LIMD1: variants seen among roughly 807,000 people sequenced by gnomAD.
LIMD1 encodes the protein LIM domain containing 1.
Under a neutral mutation model 58.4 loss-of-function variants are expected in LIMD1, and 23 were observed. The ratio of observed to expected loss-of-function variants is 0.39; its 90% CI spans 0.28 to 0.56. The LOEUF is 0.56. LIMD1 is among the 20% of genes least tolerant of loss of function. The pLI is 0.57. For missense variants in LIMD1, 838 were observed against 855.5 expected (o/e 0.98, Z 0.25); for synonymous variants, 334 against 345.5 (o/e 0.97, Z 0.37).
intron 1 of LIMD1, among the ~76,000 whole-genome samples, chr3:45,633,990 C>T (rs1340000244): frequency 6.6e-6 from 1 of 152,144 alleles, no homozygotes; most frequent in African/African-American, 2.4e-5. Context: ...TCCTCCTGAC[C>T]AAAGGATGCC....
At chr3:45,605,259 T>G (rs1701456954) in intron 1 of LIMD1, among the ~76,000 whole-genome samples, 1 of 152,246 alleles carries the variant, frequency 6.6e-6, no homozygotes. Flanking sequence ...TTGTTGGCAG[T>G]GGCAGAGAGC....
chr3:45,667,582 A>G (rs1697536068), intron 3 of LIMD1, among the ~76,000 whole-genome samples: 1 of 150,322 alleles, frequency 6.7e-6, no homozygotes, highest in Non-Finnish European at 1.5e-5. Context: ...AGAGCACCTC[A>G]TGTCTTTCAA....
intron 4 of LIMD1, among the ~76,000 whole-genome samples, chr3:45,670,141 A>G (rs1319131728): frequency 6.6e-6 from 1 of 152,130 alleles, no homozygotes; most frequent in Non-Finnish European, 1.5e-5. Context: ...TCTCCTTCCC[A>G]GGTATCTTCT....
At chr3:45,622,012 G>A (rs565133459) in intron 1 of LIMD1, among the ~76,000 whole-genome samples, 6 of 147,670 alleles carry the variant, frequency 4.1e-5, no homozygotes, top group South Asian at 2.1e-4. Context: ...GCAGTGAGCC[G>A]AGATCACACC....
intron 2 of LIMD1, among the ~76,000 whole-genome samples, chr3:45,641,980 A>G (rs1701847544): frequency 6.6e-6 from 1 of 152,196 alleles, no homozygotes; most frequent in African/African-American, 2.4e-5. Flanking sequence ...AGGGAGGTGA[A>G]TGAGAGACAG....
chr3:45,645,210 C>T (rs1701888902), intron 2 of LIMD1, among the ~76,000 whole-genome samples: 2 of 152,084 alleles, frequency 1.3e-5, no homozygotes, highest in South Asian at 4.1e-4. Flanking sequence ...ATCAAAGGGT[C>T]TCTTGTGTCC....
chr3:45,624,483 G>A lies in LIMD1; in HGVS notation c.1409-11667G>A, dbSNP rs192680825. 3.3e-5 allele frequency among the ~76,000 whole-genome samples: 5 copies of A among 152,152 alleles called. No individual in the cohort carries two copies. In the East Asian group the frequency reaches 9.6e-4, roughly 29 times the overall value. On this transcript the variant is annotated intron_variant, in intron 1 of 7. Transcript: ENST00000273317. ...AGCACTTTGGGAGGCCGAGGTGGGC[G>A]GATCATGAGGTCAGGAGATCGAGAC...
chr3:45,622,981 T>C (rs1461272921), intron 1 of LIMD1, among the ~76,000 whole-genome samples: 1 of 152,222 alleles, frequency 6.6e-6, no homozygotes, highest in Non-Finnish European at 1.5e-5. Context: ...TAAAGGTTTT[T>C]GATGCATCAT....
chr3:45,664,745 G>A (rs1289987452), intron 2 of LIMD1, among the ~76,000 whole-genome samples: 1 of 152,202 alleles, frequency 6.6e-6, no homozygotes, highest in East Asian at 1.9e-4. Context: ...TTCGTCTGGC[G>A]GGTTTCTCTG....
In LIMD1 at chr3:45,675,065, G is replaced by T. The variant is rs368564751; in HGVS notation, c.1893+654G>T. 3.3e-5 allele frequency among the ~76,000 whole-genome samples: 5 copies of T among 152,202 alleles called. No individual in the cohort carries two copies. The East Asian group carries it at 7.7e-4, about 23-fold the overall frequency. On this transcript the variant is annotated intron_variant, in intron 7 of 7. Coordinates refer to ENST00000273317, the MANE Select transcript of LIMD1 (RefSeq NM_014240.3). ...TTAGATTCATTTGGTGACCCTGTGG[G>T]TAGAGAATGGGGGTGTCCCTCATAT...
chr3:45,674,262 C>T, intron 6 of LIMD1, 81 bp from the exon 7 acceptor site: 2 of 1,062,998 alleles, frequency 1.9e-6, no homozygotes, highest in Non-Finnish European at 2.9e-6. Context: ...ACCCTCTTCC[C>T]TCCCCACCCC....
intron 1 of LIMD1, among the ~76,000 whole-genome samples, chr3:45,597,985 G>GTTTA (rs1024894516): frequency 4.2e-4 from 64 of 152,192 alleles, no homozygotes; most frequent in South Asian, 3.9e-3. Flanking sequence ...TTATTTATTT[G>GTTTA]TTTATTTATT....
At chr3:45,636,308 G>T in intron 2 of LIMD1, 57 bp downstream of exon 2, 1 of 1,271,468 alleles carries the variant, frequency 7.9e-7, no homozygotes, top group Non-Finnish European at 1.1e-6. Flanking sequence ...CATGGGAACC[G>T]AGAAAGGGAG....
chr3:45,625,341 A>C (rs1478958666), intron 1 of LIMD1, among the ~76,000 whole-genome samples: 1 of 152,072 alleles, frequency 6.6e-6, no homozygotes, highest in Non-Finnish European at 1.5e-5. Context: ...ACAAACAAGA[A>C]ATGCCGAGTA....
In LIMD1 at chr3:45,681,009, CA is replaced by C. The variant is rs528371600; in HGVS notation, c.*3966del. ...TGGGCAACAGAGCGAAACACTGTCT[CA>C]AAAAAAAAAAAAAAAGTAACAGAAA... On this transcript the variant is annotated 3_prime_UTR_variant, in exon 8 of 8. Transcript: ENST00000273317. 6,969 of 84,484 alleles carry C rather than the reference CA, an allele frequency of 0.082. 450 individuals are homozygous for C. Among genetic ancestry groups the C allele is most frequent in the African/African-American group, 0.23 (6,179 of 26,536 alleles). The allele number at this position is 84,484 out of a possible 1,614,324, so 5.2% of individuals were successfully genotyped here.
chr3:45,627,101 C>G (rs963234481), intron 1 of LIMD1, among the ~76,000 whole-genome samples: 1 of 152,158 alleles, frequency 6.6e-6, no homozygotes, highest in African/African-American at 2.4e-5. Flanking sequence ...TCTGGGGCCA[C>G]TCCATGCCCA....
At chr3:45,623,929 C>T (rs370659291) in intron 1 of LIMD1, among the ~76,000 whole-genome samples, 2 of 152,084 alleles carry the variant, frequency 1.3e-5, no homozygotes, top group Admixed American at 6.5e-5. Context: ...ATTTGATATG[C>T]GTGTTAGTCA....
chr3:45,677,342 C>T lies in LIMD1; in HGVS notation c.*283C>T, dbSNP rs1697685093. 5.7e-6 allele frequency: 2 copies of T among 349,484 alleles called. No homozygotes were observed. Among genetic ancestry groups the T allele is most frequent in the Non-Finnish European group, 1.1e-5 (2 of 184,330 alleles). The allele number at this position is 349,484 out of a possible 1,614,324, so 21.6% of individuals were successfully genotyped here. A position where few individuals can be genotyped will look rare whatever the true frequency, so the allele number is the denominator to read the frequency against. On this transcript the variant is annotated 3_prime_UTR_variant, in exon 8 of 8. Coordinates refer to ENST00000273317, the MANE Select transcript of LIMD1 (RefSeq NM_014240.3). ...CACATGACCTGAGGTTGCATCATAG[C>T]ACCAAAGGAATCCTCCTGTCCCCTC...
intron 2 of LIMD1, among the ~76,000 whole-genome samples, chr3:45,660,863 G>A (rs907286226): frequency 6.6e-6 from 1 of 152,226 alleles, no homozygotes; most frequent in East Asian, 1.9e-4. Flanking sequence ...AAAACTTCGA[G>A]TTCTCTGGAG....
Sources: allele counts gnomAD v4.1 joint callset (sites outside exome capture counted in the v4.1 genomes callset), GRCh38; gene constraint gnomAD v4.1.1; transcripts MANE v1.5; gene names NCBI Gene and HGNC (gene_info 2026-07-23, HGNC 2026-07-21).